Variants in CHMP3 observed in about 807,000 individuals in gnomAD.
The protein encoded by CHMP3 is charged multivesicular body protein 3.
A neutral mutation model predicts 27.4 loss-of-function variants in CHMP3; 8 were observed. That is an observed-to-expected ratio of 0.29 (90% CI 0.17 to 0.53). CHMP3 has a LOEUF of 0.53. Ranked by LOEUF, CHMP3 falls within the 20% of genes least tolerant of loss-of-function variation. The pLI is 0.96. For missense variants in CHMP3, 208 were observed against 271.5 expected (o/e 0.77, Z 1.64); for synonymous variants, 86 against 85.5 (o/e 1.01, Z -0.03).
rs188595793 is a variant in CHMP3 at position 86,534,880 on chromosome 2, A to G, written c.107-5483T>C. Among the ~76,000 whole-genome samples, 628 of 152,286 alleles carry G rather than the reference A, an allele frequency of 4.1e-3. 5 individuals carry two copies. The highest frequency in any genetic ancestry group is 0.013 in the African/African-American group (555 of 41,560). On this transcript the variant is annotated intron_variant, in intron 2 of 5. Coordinates refer to ENST00000263856, the MANE Select transcript of CHMP3 (RefSeq NM_016079.4). The stretch of plus-strand genomic sequence containing the variant: ...AAAGTCTCACTCTTGTAGACAGTAT[A>G]TATGTTTTTAAATATAATATTATGT...
intron 2 of CHMP3, among the ~76,000 whole-genome samples, chr2:86,539,516 G>A (rs1676278205): frequency 6.6e-6 from 1 of 151,962 alleles, no homozygotes; most frequent in Admixed American, 6.6e-5. Context: ...AAAGATATTG[G>A]GCTTGAAGAT....
At chr2:86,559,611 T>G (rs903311165) in intron 1 of CHMP3, among the ~76,000 whole-genome samples, 1 of 152,222 alleles carries the variant, frequency 6.6e-6, no homozygotes, top group African/African-American at 2.4e-5. Flanking sequence ...AGAGAAAGCC[T>G]GGCACTTGGT....
At chr2:86,535,595 C>G (rs1676095693) in intron 2 of CHMP3, among the ~76,000 whole-genome samples, 1 of 152,096 alleles carries the variant, frequency 6.6e-6, no homozygotes, top group African/African-American at 2.4e-5. Flanking sequence ...CAACCTCCGG[C>G]CCCCAGGTTC....
At chr2:86,559,568 A>G (rs1318179019) in intron 1 of CHMP3, among the ~76,000 whole-genome samples, 2 of 152,222 alleles carry the variant, frequency 1.3e-5, no homozygotes, top group African/African-American at 2.4e-5. Flanking sequence ...GCTGGTGACA[A>G]AACACTTTCT....
At chr2:86,562,560 T>A (rs868059251) in intron 1 of CHMP3, 1 of 152,224 alleles carries the variant, frequency 6.6e-6, no homozygotes, top group African/African-American at 2.4e-5. Context: ...ACTATTATTC[T>A]GGCTTCACAG....
At chr2:86,540,538 T>C (rs1031026131) in intron 2 of CHMP3, 1 of 152,150 alleles carries the variant, frequency 6.6e-6, no homozygotes, top group Non-Finnish European at 1.5e-5. Context: ...TCTGAAATAT[T>C]TGGGTTGCTG....
chr2:86,555,509 AAAT>A, intron 1 of CHMP3, among the ~76,000 whole-genome samples: 1 of 150,840 alleles, frequency 6.6e-6, no homozygotes, highest in Non-Finnish European at 1.5e-5. Context: ...TCAAAAAAAA[AAAT>A]AAATAAATAA....
intron 1 of CHMP3, among the ~76,000 whole-genome samples, chr2:86,554,265 T>C (rs949380995): frequency 5.3e-5 from 8 of 152,362 alleles, no homozygotes; most frequent in Admixed American, 3.3e-4. Flanking sequence ...TATTTTGTGA[T>C]AGCAACTCAA....
At chr2:86,511,368 G>A (rs544527032) in intron 3 of CHMP3, 106 of 152,266 alleles carry the variant, frequency 7.0e-4, no homozygotes, top group African/African-American at 2.3e-3. Flanking sequence ...GAGTAAGGGA[G>A]TTTGCTAGTT....
chr2:86,555,379 G>A (rs113652961), intron 1 of CHMP3, among the ~76,000 whole-genome samples: 16,490 of 151,924 alleles, frequency 0.11, 1,078 homozygotes, highest in Non-Finnish European at 0.16. Flanking sequence ...GTTTCCTGAG[G>A]CTGCCATAAC....
chr2:86,523,632 C>A (rs2103926122), intron 3 of CHMP3, among the ~76,000 whole-genome samples: 1 of 152,180 alleles, frequency 6.6e-6, no homozygotes, highest in Non-Finnish European at 1.5e-5. Context: ...AGGGCAGGTA[C>A]TCAGAAAGCG....
At chr2:86,562,928 G>A in intron 1 of CHMP3, 1 of 187,262 alleles carries the variant, frequency 5.3e-6, no homozygotes, top group Non-Finnish European at 1.1e-5. Flanking sequence ...AAGGTTCTCC[G>A]GGTGGTCCGC....
intron 1 of CHMP3, among the ~76,000 whole-genome samples, chr2:86,549,164 G>A (rs1440658847): frequency 1.4e-5 from 2 of 147,532 alleles, no homozygotes; most frequent in African/African-American, 5.1e-5. Flanking sequence ...CGGCCGGGCA[G>A]AGGCGCCCAC....
chr2:86,508,792 A>T (rs1674983855), intron 4 of CHMP3, among the ~76,000 whole-genome samples: 1 of 152,204 alleles, frequency 6.6e-6, no homozygotes, highest in Non-Finnish European at 1.5e-5. Flanking sequence ...CCCAACCAAA[A>T]TGAACAAATA....
intron 1 of CHMP3, among the ~76,000 whole-genome samples, chr2:86,555,750 C>G (rs1282103722): frequency 6.6e-6 from 1 of 152,158 alleles, no homozygotes; most frequent in Non-Finnish European, 1.5e-5. Context: ...ACATTGCCTT[C>G]TCTTCTTCTG....
chr2:86,510,684 T>C (rs143600421), intron 3 of CHMP3: 759 of 655,364 alleles, frequency 1.2e-3, no homozygotes, highest in Non-Finnish European at 1.4e-3. Context: ...CTGATGTGAA[T>C]TCAATGAGCA....
chr2:86,546,706 G>A (rs891290673), intron 1 of CHMP3, among the ~76,000 whole-genome samples: 1 of 152,114 alleles, frequency 6.6e-6, no homozygotes, highest in Admixed American at 6.6e-5. Flanking sequence ...CCAAAGTGCT[G>A]GGATTAAAGG....
At chr2:86,533,070 A>T (rs760495156) in intron 2 of CHMP3, among the ~76,000 whole-genome samples, 2 of 152,188 alleles carry the variant, frequency 1.3e-5, no homozygotes, top group African/African-American at 2.4e-5. Flanking sequence ...TTTCTTTGTC[A>T]GGATATTTTT....
At chr2:86,506,429 A>G (rs1674889857) in intron 5 of CHMP3, among the ~76,000 whole-genome samples, 1 of 152,178 alleles carries the variant, frequency 6.6e-6, no homozygotes, top group African/African-American at 2.4e-5. Context: ...TACTATTTTT[A>G]TCATCTCCCT....
Sources: gnomAD v4.1 joint callset for allele counts (sites outside exome capture counted in the v4.1 genomes callset) on GRCh38, gnomAD v4.1.1 for gene constraint, MANE v1.5 for transcripts, NCBI Gene and HGNC (gene_info 2026-07-23, HGNC 2026-07-21) for gene names.